The following CFAP77 variants were observed in gnomAD, a reference collection of about 807,000 sequenced individuals.
CFAP77 encodes cilia and flagella associated protein 77, also known as cilia- and flagella-associated protein 77.
In CFAP77, 25 loss-of-function variants were observed where a neutral mutation model predicts 31.1. The ratio of observed to expected loss-of-function variants is 0.80; its 90% CI spans 0.59 to 1.12. The LOEUF (loss-of-function observed/expected upper bound fraction) is 1.12, where lower values mean the gene tolerates loss of function less well. Among genes scored for constraint, CFAP77 ranks in the 50% most tolerant of loss-of-function variants. The pLI is 0.00. For synonymous variants in CFAP77, 151 were observed against 159.9 expected, an observed-to-expected ratio of 0.94 and a Z score of 0.42; for missense variants, 377 against 397.3, an observed-to-expected ratio of 0.95 and a Z score of 0.44.
At position 132,476,821 on chromosome 9, in the gene CFAP77, C is replaced by T. The variant is rs139021076; in HGVS notation, c.196-21874C>T. 3.4e-3 allele frequency among the ~76,000 whole-genome samples: 514 copies of T among 152,258 alleles called. 3 individuals carry two copies. The highest frequency in any genetic ancestry group is 0.011 in the African/African-American group (474 of 41,524). The stretch of plus-strand genomic sequence containing the variant: ...GAGAGGCCTGGAATGAGTCCCCCCT[C>T]GGAGCCCCAGAAGGAACCACTGCTG... On this transcript the variant is annotated intron_variant, in intron 1 of 5. Transcript: ENST00000393216.
chr9:132,441,924 A>G (rs1311394660), intron 1 of CFAP77, among the ~76,000 whole-genome samples: 1 of 152,210 alleles, frequency 6.6e-6, no homozygotes, highest in Non-Finnish European at 1.5e-5. Context: ...CATTTCAACA[A>G]GGTCCCAGGT....
intron 3 of CFAP77, among the ~76,000 whole-genome samples, chr9:132,531,848 T>C (rs1356669570): frequency 6.6e-6 from 1 of 151,878 alleles, no homozygotes; most frequent in Non-Finnish European, 1.5e-5. Context: ...CCTTTCCCAG[T>C]AATAAGAGCT....
chr9:132,543,889 C>A (rs573900738), intron 5 of CFAP77, among the ~76,000 whole-genome samples: 1 of 152,118 alleles, frequency 6.6e-6, no homozygotes, highest in Non-Finnish European at 1.5e-5. Context: ...GGGCACCGTA[C>A]GGAGAAAGGG....
At chr9:132,438,944 C>T (rs1216771089) in intron 1 of CFAP77, among the ~76,000 whole-genome samples, 2 of 147,996 alleles carry the variant, frequency 1.4e-5, no homozygotes, top group Admixed American at 6.8e-5. Context: ...GGTGGGATCT[C>T]GGCTCACTGC....
intron 1 of CFAP77, among the ~76,000 whole-genome samples, chr9:132,435,988 C>T (rs1016651254): frequency 5.3e-5 from 8 of 152,068 alleles, no homozygotes; most frequent in African/African-American, 1.4e-4. Context: ...GAACTGAGAT[C>T]GGCAGCAGGT....
chr9:132,544,148 C>A (rs534896596), intron 5 of CFAP77, among the ~76,000 whole-genome samples: 160 of 131,774 alleles, frequency 1.2e-3, no homozygotes, highest in African/African-American at 4.5e-3. Flanking sequence ...ACCGGAGAAA[C>A]CTGCTCTGCC....
At chr9:132,460,405 C>A (rs575980631) in intron 1 of CFAP77, among the ~76,000 whole-genome samples, 1 of 152,244 alleles carries the variant, frequency 6.6e-6, no homozygotes, top group East Asian at 1.9e-4. Flanking sequence ...TATGGCCTAT[C>A]CATATGGTGG....
intron 1 of CFAP77, among the ~76,000 whole-genome samples, chr9:132,436,305 CTCTCCTGTGTCT>C (rs1217239117): frequency 6.6e-6 from 1 of 152,128 alleles, no homozygotes; most frequent in African/African-American, 2.4e-5. Context: ...CACGTGGCCT[CTCTCCTGTGTCT>C]TCTCATATTC....
intron 1 of CFAP77, among the ~76,000 whole-genome samples, chr9:132,422,400 T>G (rs1228487979): frequency 8.5e-5 from 13 of 152,152 alleles, no homozygotes; most frequent in Non-Finnish European, 1.9e-4. Flanking sequence ...TGCAGGGCAC[T>G]CAGAGGCTAG....
At chr9:132,417,712 C>G (rs1850129150) in intron 1 of CFAP77, among the ~76,000 whole-genome samples, 1 of 152,340 alleles carries the variant, frequency 6.6e-6, no homozygotes, top group East Asian at 1.9e-4. Context: ...GGGTCTGGCC[C>G]AGGAAAGAGC....
intron 3 of CFAP77, among the ~76,000 whole-genome samples, chr9:132,505,788 G>T (rs1251730742): frequency 6.6e-6 from 1 of 152,106 alleles, no homozygotes; most frequent in African/African-American, 2.4e-5. Flanking sequence ...TCCTCACCCA[G>T]ACTGGCTTCT....
rs1174193920 is a variant in CFAP77, at chr9:132,554,985, CATCCTCAGCCATCT to C, written c.732+11939_732+11952del. On this transcript the variant is annotated intron_variant, in intron 5 of 5. Coordinates refer to ENST00000393216, the MANE Select transcript of CFAP77 (RefSeq NM_001282957.2). The surrounding 1 kb of genome is among the most constrained non-coding windows in gnomAD (Gnocchi z 4.1). ...CCATCCATCCATCCATCCATCCATCCATCCTCAGCCATCTGTCCATCTGTTTGTTCATCCAACCA... is the reference window on the plus strand; with the variant it reads ...CCATCCATCCATCCATCCATCCATCCGTCCATCTGTTTGTTCATCCAACCA... Among the ~76,000 whole-genome samples the C allele has an allele frequency of 6.0e-3, 885 of 148,200 alleles. 11 individuals are homozygous for C. The highest frequency in any genetic ancestry group is 0.021 in the African/African-American group (845 of 39,584).
At chr9:132,492,456 A>G (rs994872620) in intron 1 of CFAP77, among the ~76,000 whole-genome samples, 10 of 152,222 alleles carry the variant, frequency 6.6e-5, no homozygotes, top group African/African-American at 2.2e-4. Context: ...CCCCACCTGC[A>G]GAGATGAGGT....
rs565218209 is a variant in CFAP77, at chr9:132,490,897, G to A, written c.196-7798G>A. Reference sequence around the variant, plus strand: ...TGCATGGCGTCTGCGTGTTCTCCCCGTGTCTGTGTGGGTTTTTCTCCAGGC... The same window carrying A: ...TGCATGGCGTCTGCGTGTTCTCCCCATGTCTGTGTGGGTTTTTCTCCAGGC... On this transcript the variant is annotated intron_variant, in intron 1 of 5. Coordinates refer to ENST00000393216, the MANE Select transcript of CFAP77 (RefSeq NM_001282957.2). The surrounding 1 kb of genome is among the most constrained non-coding windows in gnomAD (Gnocchi z 4.6). Among the ~76,000 whole-genome samples, 25 of 152,274 alleles carry A rather than the reference G, an allele frequency of 1.6e-4. 1 individual carries two copies. In the South Asian group the frequency reaches 5.2e-3, roughly 32 times the overall value.
chr9:132,413,490 G>C (rs750077221), intron 1 of CFAP77, among the ~76,000 whole-genome samples: 1 of 152,136 alleles, frequency 6.6e-6, no homozygotes, highest in African/African-American at 2.4e-5. Context: ...CAGTTAGCCC[G>C]TTTTCCTTCA....
intron 1 of CFAP77, among the ~76,000 whole-genome samples, chr9:132,449,128 T>C (rs1162132958): frequency 6.6e-6 from 1 of 152,244 alleles, no homozygotes; most frequent in East Asian, 1.9e-4. Flanking sequence ...CATGAAACTA[T>C]GATATTTATG....
chr9:132,572,018 G>A (rs898781396), intron 5 of CFAP77, among the ~76,000 whole-genome samples: 2 of 152,130 alleles, frequency 1.3e-5, no homozygotes, highest in African/African-American at 4.8e-5. Context: ...TGCAGACAGG[G>A]TCAGGAGGTC....
chr9:132,508,374 G>A (rs1851972888), intron 3 of CFAP77, among the ~76,000 whole-genome samples: 1 of 152,182 alleles, frequency 6.6e-6, no homozygotes, highest in South Asian at 2.1e-4. Context: ...TCAAGCTCAA[G>A]AATGCAGGAC....
rs539762968 is a variant in CFAP77, at chr9:132,556,945, C to G, written c.732+13898C>G. On this transcript the variant is annotated intron_variant, in intron 5 of 5. Transcript: ENST00000393216. The stretch of plus-strand genomic sequence containing the variant: ...CCCGCGTCTCCTTCGCCACGCCAGG[C>G]CCGGGCCCTGTTGGGTTTAATGAGC... 1.3e-5 allele frequency among the ~76,000 whole-genome samples: 2 copies of G among 152,334 alleles called. 1 individual carries two copies. Among genetic ancestry groups the G allele is most frequent in the Admixed American group, 1.3e-4 (2 of 15,312 alleles).
Sources: allele counts gnomAD v4.1 joint callset (sites outside exome capture counted in the v4.1 genomes callset), GRCh38; gene constraint gnomAD v4.1.1; non-coding constraint Gnocchi (gnomAD v3.1); transcripts MANE v1.5; gene names NCBI Gene and HGNC (gene_info 2026-07-23, HGNC 2026-07-21).